SLC25A21: variants seen among roughly 807,000 people sequenced by gnomAD.
SLC25A21 encodes the protein mitochondrial 2-oxodicarboxylate carrier.
A neutral mutation model predicts 43.8 loss-of-function variants in SLC25A21; 47 were observed. That is an observed-to-expected ratio of 1.07 (90% CI 0.85 to 1.37). The LOEUF is 1.37. Among genes scored for constraint, SLC25A21 ranks in the 40% most tolerant of loss-of-function variants. The probability of loss-of-function intolerance (pLI) is 0.00; values close to 1 mark genes in which losing one functional copy is unlikely to be tolerated. For synonymous variants in SLC25A21, 131 were observed against 121.3 expected, an observed-to-expected ratio of 1.08 and a Z score of -0.52; for missense variants, 352 against 350.2, an observed-to-expected ratio of 1.00 and a Z score of -0.04.
chr14:36,882,763 CA>C (rs1890774099), intron 1 of SLC25A21, among the ~76,000 whole-genome samples: 1 of 151,560 alleles, frequency 6.6e-6, no homozygotes, highest in Non-Finnish European at 1.5e-5. Context: ...GCCTGTTTGA[CA>C]TCTCTGCCTG....
chr14:37,009,267 C>G (rs932058284), intron 1 of SLC25A21, among the ~76,000 whole-genome samples: 13 of 152,254 alleles, frequency 8.5e-5, no homozygotes, highest in African/African-American at 3.1e-4. Flanking sequence ...GTGGGTGAAT[C>G]ATATGAGGTC....
At chr14:36,866,267 C>A (rs1454625929) in intron 2 of SLC25A21, among the ~76,000 whole-genome samples, 2 of 152,152 alleles carry the variant, frequency 1.3e-5, no homozygotes, top group African/African-American at 2.4e-5. Flanking sequence ...CACTGCTGTA[C>A]CTTTGGGGCA....
intron 1 of SLC25A21, among the ~76,000 whole-genome samples, chr14:37,054,859 T>C (rs1052569819): frequency 1.3e-5 from 2 of 152,048 alleles, no homozygotes; most frequent in Non-Finnish European, 2.9e-5. Flanking sequence ...TTGGAGCAAA[T>C]ATCAAATCCA....
intron 1 of SLC25A21, among the ~76,000 whole-genome samples, chr14:36,941,651 T>C (rs898059734): frequency 6.6e-6 from 1 of 151,822 alleles, no homozygotes; most frequent in African/African-American, 2.4e-5. Flanking sequence ...AAATTAAATA[T>C]AATTATACTT....
intron 3 of SLC25A21, among the ~76,000 whole-genome samples, chr14:36,779,441 T>TA (rs978228776): frequency 2.2e-5 from 3 of 135,310 alleles, no homozygotes; most frequent in Non-Finnish European, 3.1e-5. Context: ...ATCCAGGCTT[T>TA]AAAAAAAAGA....
chr14:37,093,157 C>T (rs1014643580), intron 1 of SLC25A21, among the ~76,000 whole-genome samples: 1 of 152,048 alleles, frequency 6.6e-6, no homozygotes, highest in Non-Finnish European at 1.5e-5. Flanking sequence ...CATATTGCTG[C>T]CCACTGATGA....
At chr14:36,749,622 T>A (rs1321681750) in intron 3 of SLC25A21, among the ~76,000 whole-genome samples, 1 of 152,174 alleles carries the variant, frequency 6.6e-6, no homozygotes, top group Non-Finnish European at 1.5e-5. Context: ...TACCTTCCCA[T>A]TAATCACCTC....
intron 1 of SLC25A21, among the ~76,000 whole-genome samples, chr14:37,085,830 C>A (rs1403780422): frequency 6.6e-6 from 1 of 152,120 alleles, no homozygotes; most frequent in African/African-American, 2.4e-5. Context: ...ACTTGGCCGG[C>A]CGCGGTGGCT....
At position 36,783,101 on chromosome 14, in the gene SLC25A21, C is replaced by A. The variant is rs145433750; in HGVS notation, c.203+30817G>T. ...TTCATAGGTTTTCTCTAGGGTGGTG[C>A]CCTGATATGGTCAAGACGATGTGCC... is the stretch of plus-strand genomic sequence containing the variant. On this transcript the variant is annotated intron_variant, in intron 3 of 9. Coordinates refer to ENST00000331299, the MANE Select transcript of SLC25A21 (RefSeq NM_030631.4). Among the ~76,000 whole-genome samples, 952 of 151,618 alleles carry A rather than the reference C, an allele frequency of 6.3e-3. 10 individuals are homozygous for A. Among genetic ancestry groups the A allele is most frequent in the African/African-American group, 0.021 (886 of 41,310 alleles).
At chr14:36,770,091 T>A (rs1886562043) in intron 3 of SLC25A21, among the ~76,000 whole-genome samples, 1 of 152,154 alleles carries the variant, frequency 6.6e-6, no homozygotes, top group Non-Finnish European at 1.5e-5. Context: ...CTCGCACTAT[T>A]CACAATAACA....
chr14:36,927,908 A>G (rs1280922344), intron 1 of SLC25A21, among the ~76,000 whole-genome samples: 2 of 152,140 alleles, frequency 1.3e-5, no homozygotes, highest in African/African-American at 4.8e-5. Flanking sequence ...TACTTAGGAG[A>G]GGAAAAAACC....
At chr14:37,007,109 T>C (rs1276360595) in intron 1 of SLC25A21, among the ~76,000 whole-genome samples, 1 of 152,234 alleles carries the variant, frequency 6.6e-6, no homozygotes, top group African/African-American at 2.4e-5. Context: ...CAAAACTTAC[T>C]GAAAAGTGAT....
At chr14:37,022,261 CTG>C (rs1246396524) in intron 1 of SLC25A21, among the ~76,000 whole-genome samples, 2 of 151,906 alleles carry the variant, frequency 1.3e-5, no homozygotes, top group African/African-American at 4.8e-5. Flanking sequence ...TATACTAACA[CTG>C]ATCACATTAG....
chr14:36,708,016 A>G (rs1419710025), intron 7 of SLC25A21, among the ~76,000 whole-genome samples: 1 of 152,078 alleles, frequency 6.6e-6, no homozygotes, highest in African/African-American at 2.4e-5. Flanking sequence ...AGTCCCAGCT[A>G]CTCAGCAGTC....
chr14:36,691,242 C>A (rs947336188), intron 7 of SLC25A21, among the ~76,000 whole-genome samples: 6 of 152,280 alleles, frequency 3.9e-5, no homozygotes, highest in South Asian at 4.1e-4. Flanking sequence ...ATTCAACATG[C>A]AAGGAGATCA....
At chr14:36,909,760 G>A (rs994739115) in intron 1 of SLC25A21, among the ~76,000 whole-genome samples, 3 of 152,196 alleles carry the variant, frequency 2.0e-5, no homozygotes, top group Non-Finnish European at 2.9e-5. Flanking sequence ...ATCTGCCAGT[G>A]CATCTCTGTC....
intron 1 of SLC25A21, among the ~76,000 whole-genome samples, chr14:37,040,856 G>A (rs1426977191): frequency 6.6e-6 from 1 of 151,778 alleles, no homozygotes; most frequent in Non-Finnish European, 1.5e-5. Context: ...AGATTTCCAT[G>A]TTTGAGGCTT....
intron 9 of SLC25A21, among the ~76,000 whole-genome samples, chr14:36,681,851 T>G (rs1383426556): frequency 1.3e-5 from 2 of 152,198 alleles, no homozygotes; most frequent in Non-Finnish European, 2.9e-5. Context: ...CCCTCTTAGC[T>G]TCTCTAGGCC....
chr14:36,896,126 T>C (rs1891231773), intron 1 of SLC25A21, among the ~76,000 whole-genome samples: 1 of 152,204 alleles, frequency 6.6e-6, no homozygotes, highest in South Asian at 2.1e-4. Flanking sequence ...ATCTGTCTAA[T>C]GTTGACAGTG....
Sources: gnomAD v4.1 joint callset for allele counts (sites outside exome capture counted in the v4.1 genomes callset) on GRCh38, gnomAD v4.1.1 for gene constraint, MANE v1.5 for transcripts, NCBI Gene and HGNC (gene_info 2026-07-23, HGNC 2026-07-21) for gene names.